The following IFT43 variants were observed in gnomAD, a reference collection of about 807,000 sequenced individuals.
IFT43 encodes intraflagellar transport 43.
In IFT43, 33 loss-of-function variants were observed where a neutral mutation model predicts 32.3. The observed-to-expected ratio is 1.02, with a 90% CI of 0.77 to 1.37. IFT43 has a LOEUF of 1.37. IFT43 is among the 40% of genes most tolerant of loss of function. The pLI, the probability that IFT43 is intolerant of heterozygous loss-of-function variation, is 0.00. For synonymous variants in IFT43, 93 were observed against 98.2 expected (o/e 0.95, Z 0.31); for missense variants, 274 against 265.9 (o/e 1.03, Z -0.21).
chr14:76,070,864 A>T (rs896804446), intron 5 of IFT43, among the ~76,000 whole-genome samples: 3 of 152,126 alleles, frequency 2.0e-5, no homozygotes, highest in African/African-American at 7.2e-5. Flanking sequence ...GCCTCCCCAG[A>T]AGCAGAGGGC....
intron 3 of IFT43, chr14:76,038,124 A>G (rs996498090): frequency 7.2e-5 from 11 of 152,238 alleles, no homozygotes; most frequent in African/African-American, 2.7e-4. Flanking sequence ...AGTCCTGGGC[A>G]ACGTGGGTTC....
Position 76,049,191 on chromosome 14 carries a change from A to G in IFT43, c.216-9451A>G, listed in dbSNP as rs141843983. Among the ~76,000 whole-genome samples the G allele has an allele frequency of 1.1e-4, 16 of 152,318 alleles. No individual in the cohort carries two copies. In the East Asian group the frequency reaches 2.7e-3, roughly 26 times the overall value. On this transcript the variant is annotated intron_variant, in intron 3 of 8. Transcript: ENST00000314067. ...GGTTTCTACTAGTCTCAGTCACCAC[A>G]TCCAGTCTCGTTTATCTCCATCTTC... is the stretch of plus-strand genomic sequence containing the variant.
At chr14:76,080,388 G>A (rs935420698) in intron 5 of IFT43, among the ~76,000 whole-genome samples, 1 of 152,198 alleles carries the variant, frequency 6.6e-6, no homozygotes, top group South Asian at 2.1e-4. Flanking sequence ...GGTTGGGGAC[G>A]AAGAGGGAAG....
intron 3 of IFT43, among the ~76,000 whole-genome samples, chr14:76,044,586 A>G (rs1465367141): frequency 6.6e-6 from 1 of 152,154 alleles, no homozygotes; most frequent in Non-Finnish European, 1.5e-5. Context: ...CCTTCAGCCC[A>G]TCTCCTCTCC....
intron 5 of IFT43, among the ~76,000 whole-genome samples, chr14:76,072,460 G>A (rs981812901): frequency 6.6e-6 from 1 of 152,132 alleles, no homozygotes; most frequent in Admixed American, 6.5e-5. Flanking sequence ...ATACCATCAC[G>A]AACATCCCTG....
intron 3 of IFT43, among the ~76,000 whole-genome samples, chr14:76,041,868 C>T (rs756417582): frequency 5.9e-5 from 9 of 152,146 alleles, no homozygotes; most frequent in African/African-American, 9.7e-5. Flanking sequence ...CTGCAGTTTT[C>T]TTACTGCTCC....
intron 3 of IFT43, among the ~76,000 whole-genome samples, chr14:76,036,755 C>A (rs2036607802): frequency 6.6e-6 from 1 of 151,542 alleles, no homozygotes; most frequent in African/African-American, 2.4e-5. Context: ...AATCACCACC[C>A]CCCTATGTTT....
At chr14:75,993,373 C>G (rs1025276582) in intron 2 of IFT43, among the ~76,000 whole-genome samples, 1 of 152,182 alleles carries the variant, frequency 6.6e-6, no homozygotes, top group African/African-American at 2.4e-5. Context: ...TCCCACATGG[C>G]GGCAATTGGC....
chr14:75,999,300 T>A (rs1421886377), intron 2 of IFT43, among the ~76,000 whole-genome samples: 26 of 107,658 alleles, frequency 2.4e-4, no homozygotes, highest in Non-Finnish European at 3.3e-4. Flanking sequence ...TTTTTTTTTT[T>A]AATTTTTTGT....
At chr14:75,997,232 T>A (rs1566697960) in intron 2 of IFT43, among the ~76,000 whole-genome samples, 1 of 152,090 alleles carries the variant, frequency 6.6e-6, no homozygotes, top group African/African-American at 2.4e-5. Flanking sequence ...ACCATACAGG[T>A]GATAGAGGGG....
chr14:76,050,051 G>A (rs2036884580), intron 3 of IFT43, among the ~76,000 whole-genome samples: 1 of 152,060 alleles, frequency 6.6e-6, no homozygotes, highest in Non-Finnish European at 1.5e-5. Context: ...GAACACCTCA[G>A]CCCCTGCATG....
chr14:76,008,121 G>A (rs1374692744), intron 2 of IFT43, among the ~76,000 whole-genome samples: 1 of 152,148 alleles, frequency 6.6e-6, no homozygotes, highest in Non-Finnish European at 1.5e-5. Context: ...AAACACTGTG[G>A]CTGTCCTGAG....
At chr14:75,995,457 G>A (rs532936976) in intron 2 of IFT43, among the ~76,000 whole-genome samples, 17 of 152,184 alleles carry the variant, frequency 1.1e-4, no homozygotes, top group African/African-American at 3.1e-4. Flanking sequence ...GTGTTCCTCC[G>A]AGGACGCAGA....
chr14:76,076,728 G>T (rs918282352), intron 5 of IFT43: 1 of 1,612,048 alleles, frequency 6.2e-7, no homozygotes, highest in African/African-American at 1.3e-5. Context: ...GAACTGAAAA[G>T]GATCCTTCTG....
At chr14:76,079,001 T>C (rs554127716) in intron 5 of IFT43, among the ~76,000 whole-genome samples, 6 of 152,278 alleles carry the variant, frequency 3.9e-5, no homozygotes, top group East Asian at 1.9e-4. Flanking sequence ...TCTCTAGTTA[T>C]TGGAATCGAG....
At chr14:75,993,368 C>T (rs1566695521) in intron 2 of IFT43, among the ~76,000 whole-genome samples, 1 of 152,214 alleles carries the variant, frequency 6.6e-6, no homozygotes, top group Non-Finnish European at 1.5e-5. Context: ...GACATTCCCA[C>T]ATGGCGGCAA....
At chr14:76,013,040 A>G (rs2036116077) in intron 2 of IFT43, among the ~76,000 whole-genome samples, 1 of 152,172 alleles carries the variant, frequency 6.6e-6, no homozygotes, top group Non-Finnish European at 1.5e-5. Context: ...TGCCAACTCA[A>G]ACAGATGTCT....
chr14:76,052,738 G>A (rs972763339), intron 3 of IFT43, among the ~76,000 whole-genome samples: 4 of 152,216 alleles, frequency 2.6e-5, no homozygotes, highest in Admixed American at 2.6e-4. Flanking sequence ...TGGAGAGAAA[G>A]GTGACTTAGC....
intron 2 of IFT43, among the ~76,000 whole-genome samples, chr14:76,005,341 C>T (rs1007082725): frequency 6.6e-6 from 1 of 152,144 alleles, no homozygotes; most frequent in Non-Finnish European, 1.5e-5. Context: ...ATCCCATAGT[C>T]CTGGGACATG....
Sources: allele counts gnomAD v4.1 joint callset (sites outside exome capture counted in the v4.1 genomes callset), GRCh38; gene constraint gnomAD v4.1.1; transcripts MANE v1.5; gene names NCBI Gene and HGNC (gene_info 2026-07-23, HGNC 2026-07-21).